Variants in RAF1 observed in about 807,000 individuals in gnomAD.
The protein encoded by RAF1 is Raf-1 proto-oncogene, serine/threonine kinase.
A neutral mutation model predicts 81.1 loss-of-function variants in RAF1; 27 were observed. The ratio of observed to expected loss-of-function variants is 0.33; its 90% CI spans 0.25 to 0.46. RAF1 has a LOEUF of 0.46. Ranked by LOEUF, RAF1 falls within the 20% of genes least tolerant of loss-of-function variation. The probability of loss-of-function intolerance (pLI) is 1.00; values close to 1 mark genes in which losing one functional copy is unlikely to be tolerated. For synonymous variants in RAF1, 298 were observed against 294.0 expected (o/e 1.01, Z -0.14); for missense variants, 598 against 826.0 (o/e 0.72, Z 3.38).
chr3:12,618,822 T>C, intron 1 of RAF1, 75 bp from the exon 2 acceptor site: 1 of 1,187,296 alleles, frequency 8.4e-7, no homozygotes, highest in East Asian at 2.5e-5. Flanking sequence ...TAAAGAGTAA[T>C]TATGAAAATA....
intron 3 of RAF1, among the ~76,000 whole-genome samples, chr3:12,611,726 G>A (rs1297150607): frequency 6.6e-6 from 1 of 152,086 alleles, no homozygotes; most frequent in Non-Finnish European, 1.5e-5. Context: ...TACAGGTATT[G>A]GTCATCAGGC....
At chr3:12,649,888 T>C (rs2060468089) in intron 1 of RAF1, among the ~76,000 whole-genome samples, 1 of 152,024 alleles carries the variant, frequency 6.6e-6, no homozygotes. Flanking sequence ...GGCTCATGCC[T>C]GTAATCCCAG....
chr3:12,643,636 T>C (rs1235425553), intron 1 of RAF1, among the ~76,000 whole-genome samples: 2 of 151,754 alleles, frequency 1.3e-5, no homozygotes, highest in African/African-American at 4.8e-5. Context: ...CTAGGGATGC[T>C]GAGGCAGGAG....
rs1575531969 is a variant in RAF1, at chr3:12,585,329, G to T, written c.1597-76C>A. 7 of 1,600,146 alleles carry T rather than the reference G, an allele frequency of 4.4e-6. No individual in the cohort carries two copies. The South Asian group carries it at 7.8e-5, about 18-fold the overall frequency. On this transcript the variant is annotated intron_variant, in intron 15 of 17. Transcript: ENST00000442415. ...CTCACAGACATCTAGGGGCCAGGCT[G>T]TCCCTTTCATTAGTTATGAATGAGT...
At chr3:12,602,035 C>G (rs1299589596) in intron 8 of RAF1, among the ~76,000 whole-genome samples, 1 of 152,158 alleles carries the variant, frequency 6.6e-6, no homozygotes, top group East Asian at 1.9e-4. Context: ...AAGCAAAGCA[C>G]AATTTATTTT....
At position 12,655,185 on chromosome 3, in the gene RAF1, C is replaced by A. The variant is rs917687934; in HGVS notation, c.-27+8628G>T. 8.5e-5 allele frequency among the ~76,000 whole-genome samples: 13 copies of A among 152,290 alleles called. No homozygotes were observed. In the East Asian group the frequency reaches 1.5e-3, roughly 18 times the overall value. On this transcript the variant is annotated intron_variant, in intron 1 of 17. Coordinates refer to ENST00000442415, the MANE Select transcript of RAF1 (RefSeq NM_001354689.3). ...GCAACCTCTGCCTCCCGAGTTCAAG[C>A]GATTCTCCTGCCTCAACCTCCCAAG...
intron 1 of RAF1, among the ~76,000 whole-genome samples, chr3:12,624,198 A>G (rs2125472457): frequency 6.6e-6 from 1 of 152,248 alleles, no homozygotes; most frequent in African/African-American, 2.4e-5. Context: ...ACGATAGGTC[A>G]TATTTGCAGA....
chr3:12,598,753 A>C (rs1017312077), intron 11 of RAF1, among the ~76,000 whole-genome samples: 16 of 137,076 alleles, frequency 1.2e-4, no homozygotes, highest in Non-Finnish European at 2.1e-4. Flanking sequence ...AAAAAAAAAA[A>C]CCACCAAGTA....
chr3:12,605,727 G>A lies in RAF1; in HGVS notation c.680+474C>T, dbSNP rs149298819. Among the ~76,000 whole-genome samples, 6 of 152,296 alleles carry A rather than the reference G, an allele frequency of 3.9e-5. No individual in the cohort carries two copies. The East Asian group carries it at 9.6e-4, about 24-fold the overall frequency. Reference sequence around the variant, plus strand: ...GTTATATGCAAACTCAGAGACACATGAGAAACAATATTTATGCTGAAAATC... The same window carrying A: ...GTTATATGCAAACTCAGAGACACATAAGAAACAATATTTATGCTGAAAATC... On this transcript the variant is annotated intron_variant, in intron 6 of 17. Transcript: ENST00000442415.
intron 1 of RAF1, among the ~76,000 whole-genome samples, chr3:12,625,402 G>A (rs1191525329): frequency 1.3e-5 from 2 of 152,098 alleles, no homozygotes; most frequent in Non-Finnish European, 2.9e-5. Context: ...AAATTAAAAA[G>A]GCAAAACATC....
intron 2 of RAF1, among the ~76,000 whole-genome samples, chr3:12,615,497 G>C (rs1228974189): frequency 2.0e-5 from 3 of 152,146 alleles, no homozygotes; most frequent in Admixed American, 2.0e-4. Context: ...AGCAACCTGG[G>C]GAGGAGTAAA....
At chr3:12,658,854 A>G (rs879330508) in intron 1 of RAF1, among the ~76,000 whole-genome samples, 1 of 152,208 alleles carries the variant, frequency 6.6e-6, no homozygotes, top group Non-Finnish European at 1.5e-5. Flanking sequence ...CTTTGTGAGT[A>G]ATTTGCCAAA....
chr3:12,653,263 C>T (rs2060589609), intron 1 of RAF1, among the ~76,000 whole-genome samples: 1 of 152,126 alleles, frequency 6.6e-6, no homozygotes, highest in Non-Finnish European at 1.5e-5. Context: ...GCCTGGGTGA[C>T]AGAGTGAGAC....
At chr3:12,611,666 C>G (rs1415845733) in intron 3 of RAF1, among the ~76,000 whole-genome samples, 1 of 152,134 alleles carries the variant, frequency 6.6e-6, no homozygotes, top group Non-Finnish European at 1.5e-5. Context: ...CGCCACTGCA[C>G]TCCAGCCTGG....
In RAF1 at chr3:12,636,913, T is replaced by C. The variant is rs577174775; in HGVS notation, c.-26-18166A>G. ...CCCTGGAGACTATACTGAACACTTT[T>C]GGTTTAGTAGATAAAAGAACAGGTA... On this transcript the variant is annotated intron_variant, in intron 1 of 17. Transcript: ENST00000442415. Among the ~76,000 whole-genome samples the C allele has an allele frequency of 2.0e-5, 3 of 152,310 alleles. No individual in the cohort carries two copies. The South Asian group carries it at 6.2e-4, about 32-fold the overall frequency.
intron 11 of RAF1, 95 bp downstream of exon 10, chr3:12,599,596 G>A (rs1172420649): frequency 5.8e-6 from 5 of 867,832 alleles, no homozygotes; most frequent in Non-Finnish European, 6.0e-6. Context: ...ATAAGCCCAG[G>A]AGCACTCAGT....
chr3:12,656,251 G>A (rs1339411623), intron 1 of RAF1, among the ~76,000 whole-genome samples: 1 of 151,660 alleles, frequency 6.6e-6, no homozygotes, highest in African/African-American at 2.4e-5. Flanking sequence ...CATTCTCTCT[G>A]GGTATAACTT....
At chr3:12,654,999 G>GAC (rs2060641958) in intron 1 of RAF1, among the ~76,000 whole-genome samples, 1 of 103,312 alleles carries the variant, frequency 9.7e-6, no homozygotes, top group African/African-American at 3.8e-5. Flanking sequence ...AACATAGTGA[G>GAC]ACCCCCCCCC....
chr3:12,598,974 T>C (rs1353071976), intron 11 of RAF1: 1 of 152,192 alleles, frequency 6.6e-6, no homozygotes, highest in Non-Finnish European at 1.5e-5. Flanking sequence ...CATGCAGCAT[T>C]TTCAAGGAAA....
Sources: gnomAD v4.1 joint callset for allele counts (sites outside exome capture counted in the v4.1 genomes callset) on GRCh38, gnomAD v4.1.1 for gene constraint, MANE v1.5 for transcripts, NCBI Gene and HGNC (gene_info 2026-07-23, HGNC 2026-07-21) for gene names.